The following ROR2 variants were observed in gnomAD, a reference collection of about 807,000 sequenced individuals.
ROR2 encodes the protein tyrosine-protein kinase transmembrane receptor ROR2.
Under a neutral mutation model 74.9 loss-of-function variants are expected in ROR2, and 33 were observed. The ratio of observed to expected loss-of-function variants is 0.44; its 90% CI spans 0.33 to 0.59. The LOEUF (loss-of-function observed/expected upper bound fraction) is 0.59, where lower values mean the gene tolerates loss of function less well. Ranked by LOEUF, ROR2 falls within the 20% of genes least tolerant of loss-of-function variation. The probability of loss-of-function intolerance (pLI) is 0.02; values close to 1 mark genes in which losing one functional copy is unlikely to be tolerated. For missense variants in ROR2, 1,216 were observed against 1,313.8 expected, an observed-to-expected ratio of 0.93 and a Z score of 1.15; for synonymous variants, 586 against 558.7, an observed-to-expected ratio of 1.05 and a Z score of -0.69.
At position 91,823,654 on chromosome 9, in the gene ROR2, C is replaced by T. The variant is rs114146747; in HGVS notation, c.98-47836G>A. On this transcript the variant is annotated intron_variant, in intron 1 of 8. Coordinates refer to ENST00000375708, the MANE Select transcript of ROR2 (RefSeq NM_004560.4). ...GGAAGTGGGGGCAAGAAACAGCATA[C>T]TATCAACAACCGCTGAATCTGGGTG... 2.9e-3 allele frequency among the ~76,000 whole-genome samples: 438 copies of T among 152,306 alleles called. 1 individual carries two copies. Among genetic ancestry groups the T allele is most frequent in the African/African-American group, 0.01 (418 of 41,566 alleles).
At chr9:91,938,495 A>G (rs1183290901) in intron 1 of ROR2, among the ~76,000 whole-genome samples, 1 of 152,022 alleles carries the variant, frequency 6.6e-6, no homozygotes, top group Non-Finnish European at 1.5e-5. Context: ...TGATGTGCAC[A>G]CCTGTAATCT....
At chr9:91,931,393 A>T (rs1225551355) in intron 1 of ROR2, among the ~76,000 whole-genome samples, 1 of 152,218 alleles carries the variant, frequency 6.6e-6, no homozygotes, top group Non-Finnish European at 1.5e-5. Flanking sequence ...TATATGTAAA[A>T]GACATCCCAG....
intron 1 of ROR2, among the ~76,000 whole-genome samples, chr9:91,921,915 A>G (rs1357371915): frequency 6.6e-6 from 1 of 150,608 alleles, no homozygotes; most frequent in Non-Finnish European, 1.5e-5. Flanking sequence ...AGACAACCCA[A>G]GGTGAGATTG....
At chr9:91,752,512 T>A (rs369877605) in intron 4 of ROR2, among the ~76,000 whole-genome samples, 1 of 152,222 alleles carries the variant, frequency 6.6e-6, no homozygotes, top group Admixed American at 6.5e-5. Context: ...ATTTCTGTGA[T>A]GTTTAATAAC....
At chr9:91,858,542 G>A (rs1308646412) in intron 1 of ROR2, among the ~76,000 whole-genome samples, 1 of 152,206 alleles carries the variant, frequency 6.6e-6, no homozygotes, top group Non-Finnish European at 1.5e-5. Flanking sequence ...AGATCTGTGG[G>A]TGGGGCCAGG....
At chr9:91,745,700 A>G (rs1825389835) in intron 4 of ROR2, among the ~76,000 whole-genome samples, 1 of 152,056 alleles carries the variant, frequency 6.6e-6, no homozygotes, top group Non-Finnish European at 1.5e-5. Flanking sequence ...TGTTGGGATT[A>G]CAGGCATTGA....
rs893642818 is a variant in ROR2, at chr9:91,870,847, A to G, written c.97+79020T>C. 3.3e-4 allele frequency among the ~76,000 whole-genome samples: 50 copies of G among 152,254 alleles called. 1 individual carries two copies. The highest frequency in any genetic ancestry group is 1.2e-3 in the African/African-American group (50 of 41,466). On this transcript the variant is annotated intron_variant, in intron 1 of 8. Coordinates refer to ENST00000375708, the MANE Select transcript of ROR2 (RefSeq NM_004560.4). ...ACACCTGGCAAAAATATTTTAGAAT[A>G]AGTCTTTTCTAGTGACACTCACAGA...
intron 1 of ROR2, among the ~76,000 whole-genome samples, chr9:91,790,794 A>G (rs2312731): frequency 0.11 from 16,859 of 152,186 alleles, 1,122 homozygotes; most frequent in South Asian, 0.24. Context: ...CGACAGTGAT[A>G]TGGATGGTAT....
intron 3 of ROR2, among the ~76,000 whole-genome samples, chr9:91,757,067 G>A (rs1319168851): frequency 1.3e-5 from 2 of 152,018 alleles, no homozygotes; most frequent in Middle Eastern, 3.2e-3. Flanking sequence ...ACCGTGCCTC[G>A]CCCTATTTTC....
intron 2 of ROR2, among the ~76,000 whole-genome samples, chr9:91,771,114 C>T (rs1364473285): frequency 6.6e-6 from 1 of 152,220 alleles, no homozygotes; most frequent in African/African-American, 2.4e-5. Context: ...TTAGAATCCA[C>T]TTGAGATCAC....
intron 1 of ROR2, among the ~76,000 whole-genome samples, chr9:91,942,601 TA>T (rs748971388): frequency 2.0e-5 from 3 of 152,178 alleles, no homozygotes; most frequent in Non-Finnish European, 2.9e-5. Context: ...TGTAGTAAAT[TA>T]GTGTTTCCCT....
At chr9:91,795,463 A>G (rs1470667941) in intron 1 of ROR2, among the ~76,000 whole-genome samples, 1 of 152,168 alleles carries the variant, frequency 6.6e-6, no homozygotes, top group African/African-American at 2.4e-5. Flanking sequence ...CCAACTATGA[A>G]TTTTTTCTTT....
intron 1 of ROR2, among the ~76,000 whole-genome samples, chr9:91,777,411 CATCATCAT>C (rs1826456314): frequency 6.6e-6 from 1 of 150,468 alleles, no homozygotes; most frequent in African/African-American, 2.5e-5. Context: ...ACACACACCC[CATCATCAT>C]CATCATCATC....
At chr9:91,741,485 T>A (rs1361215768) in intron 4 of ROR2, among the ~76,000 whole-genome samples, 1 of 151,760 alleles carries the variant, frequency 6.6e-6, no homozygotes, top group Non-Finnish European at 1.5e-5. Context: ...AGCCTTCCCC[T>A]AGATGACACA....
intron 7 of ROR2, among the ~76,000 whole-genome samples, chr9:91,728,673 C>T (rs1175722720): frequency 2.6e-5 from 4 of 152,292 alleles, no homozygotes; most frequent in South Asian, 2.1e-4. Flanking sequence ...TCAGGTGATC[C>T]GCCTGCCTTG....
At position 91,733,101 on chromosome 9, in the gene ROR2, C is replaced by T; in HGVS notation, c.937+21G>A. 1.9e-6 allele frequency: 3 copies of T among 1,572,818 alleles called. No homozygotes were observed. Among genetic ancestry groups the T allele is most frequent in the Non-Finnish European group, 2.6e-6 (3 of 1,162,452 alleles). The stretch of plus-strand genomic sequence containing the variant: ...CACTCCCTGCGCCCCCCGGTCCCGC[C>T]CCGGGCCCTCGGGCACTCACAGCGG... On this transcript the variant is annotated intron_variant, in intron 6 of 8. Coordinates refer to ENST00000375708, the MANE Select transcript of ROR2 (RefSeq NM_004560.4). This position sits in a 1 kb window ranked among gnomAD's most constrained non-coding sequence, Gnocchi z 5.7.
At chr9:91,892,241 C>T (rs1472756205) in intron 1 of ROR2, among the ~76,000 whole-genome samples, 1 of 152,178 alleles carries the variant, frequency 6.6e-6, no homozygotes, top group Non-Finnish European at 1.5e-5. Context: ...AAGGGAAACC[C>T]GCCATCAGCA....
At chr9:91,791,042 C>T (rs1206836845) in intron 1 of ROR2, among the ~76,000 whole-genome samples, 1 of 152,096 alleles carries the variant, frequency 6.6e-6, no homozygotes, top group African/African-American at 2.4e-5. Flanking sequence ...TTTTTATAAA[C>T]AGTCTAGCCT....
intron 1 of ROR2, among the ~76,000 whole-genome samples, chr9:91,844,375 G>A (rs141817467): frequency 6.6e-6 from 1 of 152,010 alleles, no homozygotes; most frequent in Non-Finnish European, 1.5e-5. Context: ...ACCTTCCACA[G>A]ACCAGCGCTT....
Sources: gnomAD v4.1 joint callset for allele counts (sites outside exome capture counted in the v4.1 genomes callset) on GRCh38, gnomAD v4.1.1 for gene constraint, Gnocchi (gnomAD v3.1) non-coding constraint, MANE v1.5 for transcripts, NCBI Gene and HGNC (gene_info 2026-07-23, HGNC 2026-07-21) for gene names.